The following AFF3 variants were observed in gnomAD, a reference collection of about 807,000 sequenced individuals.
The protein encoded by AFF3 is ALF transcription elongation factor 3.
In AFF3, 32 loss-of-function variants were observed where a neutral mutation model predicts 129.7. The ratio of observed to expected loss-of-function variants is 0.25; its 90% CI spans 0.19 to 0.33. AFF3 has a LOEUF of 0.33. Among genes scored for constraint, AFF3 ranks in the 10% least tolerant of loss-of-function variants. AFF3 has a pLI of 1.00. For synonymous variants in AFF3, 644 were observed against 635.4 expected (o/e 1.01, Z -0.20); for missense variants, 1,373 against 1,592.0 (o/e 0.86, Z 2.34).
chr2:100,086,694 T>C (rs1259609982), intron 4 of AFF3, among the ~76,000 whole-genome samples: 1 of 152,190 alleles, frequency 6.6e-6, no homozygotes, highest in Non-Finnish European at 1.5e-5. Flanking sequence ...ATTCTACTAT[T>C]GAAAAAAGAT....
intron 7 of AFF3, among the ~76,000 whole-genome samples, chr2:99,888,113 T>C (rs562570403): frequency 3.3e-5 from 5 of 152,316 alleles, no homozygotes; most frequent in African/African-American, 1.2e-4. Context: ...GTCACAATAC[T>C]TTTCATCATC....
intron 10 of AFF3, among the ~76,000 whole-genome samples, chr2:99,733,984 G>A (rs1345987926): frequency 6.6e-6 from 1 of 152,132 alleles, no homozygotes; most frequent in African/African-American, 2.4e-5. Context: ...AAATTTGATT[G>A]GAGCTGTATT....
chr2:99,866,357 C>T (rs1416595697), intron 7 of AFF3, among the ~76,000 whole-genome samples: 1 of 152,150 alleles, frequency 6.6e-6, no homozygotes, highest in Non-Finnish European at 1.5e-5. Context: ...AGGAGACCTG[C>T]AAAAATAGGC....
chr2:99,735,538 G>A (rs1012915142), intron 10 of AFF3, among the ~76,000 whole-genome samples: 1 of 152,080 alleles, frequency 6.6e-6, no homozygotes, highest in African/African-American at 2.4e-5. Context: ...TGTCATCCAG[G>A]CTGGAGTGCA....
intron 7 of AFF3, among the ~76,000 whole-genome samples, chr2:99,861,703 T>C (rs1691012755): frequency 6.6e-6 from 1 of 152,192 alleles, no homozygotes; most frequent in South Asian, 2.1e-4. Context: ...ATGTACCTTG[T>C]AGAGAATAAC....
rs1005064556 is a variant in AFF3, at chr2:99,558,818, T to C, written c.3285+57A>G. On this transcript the variant is annotated intron_variant, in intron 22 of 24. Transcript: ENST00000672756. ...TGGAGTCTACCAGGTGCTTCACAAA[T>C]TTGACAGGGAGACAAGTGAAATTAA... The C allele has an allele frequency of 3.9e-6, 6 of 1,555,932 alleles. No individual in the cohort carries two copies. The African/African-American group carries it at 5.4e-5, about 14-fold the overall frequency.
intron 3 of AFF3, chr2:100,105,277 G>T: frequency 1.7e-6 from 2 of 1,173,404 alleles, no homozygotes; most frequent in Non-Finnish European, 2.2e-6. Context: ...GGAATTCCCC[G>T]GCCGCCCAGG....
chr2:99,787,452 C>A (rs1684885385), intron 8 of AFF3, among the ~76,000 whole-genome samples: 1 of 152,202 alleles, frequency 6.6e-6, no homozygotes, highest in African/African-American at 2.4e-5. Context: ...TCTGAGAAAG[C>A]CTCACGGTTT....
intron 2 of AFF3, among the ~76,000 whole-genome samples, chr2:100,108,889 G>A (rs1460328213): frequency 6.8e-6 from 1 of 146,198 alleles, no homozygotes; most frequent in East Asian, 2.0e-4. Context: ...GAGTGTTTCT[G>A]GGAATGTGCA....
intron 10 of AFF3, among the ~76,000 whole-genome samples, chr2:99,741,975 G>A (rs1465703957): frequency 6.6e-6 from 1 of 152,148 alleles, no homozygotes; most frequent in Non-Finnish European, 1.5e-5. Flanking sequence ...AGTTTCAAAT[G>A]TGCTGTAAAT....
intron 4 of AFF3, among the ~76,000 whole-genome samples, chr2:100,040,329 C>A (rs775064075): frequency 4.6e-5 from 7 of 152,190 alleles, no homozygotes; most frequent in Non-Finnish European, 8.8e-5. Context: ...AGACCTCCAA[C>A]CCAATGACTG....
At chr2:99,767,850 CAGG>C (rs1242319497) in intron 8 of AFF3, among the ~76,000 whole-genome samples, 3 of 152,276 alleles carry the variant, frequency 2.0e-5, no homozygotes, top group South Asian at 2.1e-4. Flanking sequence ...GAGGCTGAGG[CAGG>C]AGAATAGCAT....
At chr2:100,093,721 A>G (rs1690056794) in intron 4 of AFF3, among the ~76,000 whole-genome samples, 1 of 152,194 alleles carries the variant, frequency 6.6e-6, no homozygotes, top group South Asian at 2.1e-4. Flanking sequence ...TCCTGCACGT[A>G]GACATGCTTC....
intron 8 of AFF3, among the ~76,000 whole-genome samples, chr2:99,783,001 T>C (rs1312635129): frequency 6.6e-6 from 1 of 152,200 alleles, no homozygotes; most frequent in African/African-American, 2.4e-5. Flanking sequence ...TTATGAGAGA[T>C]TAAAGACAGT....
intron 2 of AFF3, among the ~76,000 whole-genome samples, chr2:100,109,043 A>G (rs1466210873): frequency 1.3e-5 from 2 of 148,510 alleles, no homozygotes; most frequent in Non-Finnish European, 3.0e-5. Context: ...TTAGATTCAG[A>G]AGTCTGTGGA....
At chr2:99,554,152 T>C (rs1473978143) in intron 24 of AFF3, among the ~76,000 whole-genome samples, 159 bp downstream of exon 24, 1 of 152,138 alleles carries the variant, frequency 6.6e-6, no homozygotes, top group Non-Finnish European at 1.5e-5. Context: ...AGGGTGTTTT[T>C]GAACTAGTTA....
rs776406973 is a variant in AFF3 at position 99,593,782 on chromosome 2, T to C, written c.1879A>G (p.Thr627Ala). Residue 627 changes from threonine to alanine, a missense_variant, in exon 15 of 25, where the codon ACC (threonine) becomes GCC (alanine). Physicochemically the swap from Thr to Ala is moderately conservative, Grantham distance 58. Coordinates refer to ENST00000672756, the MANE Select transcript of AFF3 (RefSeq NM_001386135.1). ...SVVVPPEPTK[T>A]RPCGNNRASH... ...GCTCTGTTGTTGCCACAGGGCCTGGTTTTGGTGGGCTCCGGGGGGACCACC... is the reference window on the plus strand; with the variant it reads ...GCTCTGTTGTTGCCACAGGGCCTGGCTTTGGTGGGCTCCGGGGGGACCACC... 3 of 1,612,184 alleles carry C rather than the reference T, an allele frequency of 1.9e-6. No individual in the cohort carries two copies. The highest frequency in any genetic ancestry group is 4.5e-5 in the East Asian group (2 of 44,844).
At chr2:100,075,479 T>C (rs1299043880) in intron 4 of AFF3, among the ~76,000 whole-genome samples, 1 of 152,032 alleles carries the variant, frequency 6.6e-6, no homozygotes, top group Non-Finnish European at 1.5e-5. Flanking sequence ...CTCAGAACAT[T>C]CTATTAAGAT....
chr2:100,101,407 CT>C (rs1473976550), intron 4 of AFF3, among the ~76,000 whole-genome samples: 4 of 148,244 alleles, frequency 2.7e-5, no homozygotes, highest in Non-Finnish European at 5.9e-5. Flanking sequence ...TTAAGATTCT[CT>C]TTTGCCATTA....
Sources: gnomAD v4.1 joint callset for allele counts (sites outside exome capture counted in the v4.1 genomes callset) on GRCh38, gnomAD v4.1.1 for gene constraint, MANE v1.5 for transcripts, NCBI Gene and HGNC (gene_info 2026-07-23, HGNC 2026-07-21) for gene names.